The following COL4A3 variants were observed in gnomAD, a reference collection of about 807,000 sequenced individuals.
COL4A3 encodes collagen alpha-3(IV) chain.
In COL4A3, 135 loss-of-function variants were observed where a neutral mutation model predicts 217.4. The ratio of observed to expected loss-of-function variants is 0.62; its 90% CI spans 0.54 to 0.72. The LOEUF (loss-of-function observed/expected upper bound fraction) is 0.72. Among genes scored for constraint, COL4A3 ranks in the 30% least tolerant of loss-of-function variants. The pLI is 0.00. For missense variants in COL4A3, 1,868 were observed against 2,119.9 expected (o/e 0.88, Z 2.33); for synonymous variants, 690 against 736.3 (o/e 0.94, Z 1.02).
chr2:227,185,400 T>G (rs2065998531), intron 1 of COL4A3, among the ~76,000 whole-genome samples: 1 of 152,156 alleles, frequency 6.6e-6, no homozygotes, highest in South Asian at 2.1e-4. Context: ...CATGCCAAGA[T>G]CAGATAAAAT....
At chr2:227,240,569 C>T (rs1445574783) in intron 3 of COL4A3, among the ~76,000 whole-genome samples, 2 of 152,226 alleles carry the variant, frequency 1.3e-5, no homozygotes, top group Non-Finnish European at 2.9e-5. Flanking sequence ...ACCACCTGTG[C>T]CCCATCTTTG....
chr2:227,309,024 C>A lies in COL4A3; in HGVS notation c.4588C>A (p.Pro1530Thr), dbSNP rs746709648. The change falls in exon 49 of 52, where the codon CCA becomes ACA. Residue 1530 changes from proline to threonine, a missense_variant. Coordinates refer to ENST00000396578, the MANE Select transcript of COL4A3 (RefSeq NM_000091.5). ...CTGGCTGTCAACACCAGCTCTGATG[C>A]CAATGAACATGGCTCCCATTACTGG... ...SYWLSTPALM[P>T]MNMAPITGRA... The A allele has an allele frequency of 1.9e-6, 3 of 1,614,180 alleles. No individual in the cohort carries two copies. Among genetic ancestry groups the A allele is most frequent in the South Asian group, 2.2e-5 (2 of 91,088 alleles).
At chr2:227,237,778 C>T (rs2068780989) in intron 1 of COL4A3, 190 bp from the exon 2 acceptor site, 1 of 541,258 alleles carries the variant, frequency 1.8e-6, no homozygotes, top group East Asian at 3.7e-5. Context: ...GCAACATGTT[C>T]TCAGTTTTCT....
chr2:227,260,634 G>A (rs1464851708), intron 19 of COL4A3, among the ~76,000 whole-genome samples: 1 of 152,180 alleles, frequency 6.6e-6, no homozygotes, highest in Non-Finnish European at 1.5e-5. Context: ...CATTGATATA[G>A]ATTTTCTTAA....
At chr2:227,217,070 C>G (rs1019719027) in intron 1 of COL4A3, among the ~76,000 whole-genome samples, 1 of 152,194 alleles carries the variant, frequency 6.6e-6, no homozygotes, top group African/African-American at 2.4e-5. Context: ...AATGGACTCA[C>G]AGCTCCACAT....
intron 36 of COL4A3, among the ~76,000 whole-genome samples, chr2:227,290,340 A>T (rs891094412): frequency 6.6e-6 from 1 of 152,146 alleles, no homozygotes; most frequent in African/African-American, 2.4e-5. Flanking sequence ...TCTACTAAAG[A>T]TACAAAAAAA....
At chr2:227,260,027 C>T (rs768817386) in intron 19 of COL4A3, 150 bp downstream of exon 19, 5 of 763,958 alleles carry the variant, frequency 6.5e-6, no homozygotes, top group Admixed American at 1.7e-5. Flanking sequence ...TTTTTGATGT[C>T]TCCTGCTCTT....
intron 1 of COL4A3, among the ~76,000 whole-genome samples, chr2:227,179,769 A>G (rs899101633): frequency 6.6e-6 from 1 of 152,240 alleles, no homozygotes; most frequent in African/African-American, 2.4e-5. Flanking sequence ...TTCTGTCCTC[A>G]TGGAGTATGC....
chr2:227,202,176 A>C (rs1302739346), intron 1 of COL4A3, among the ~76,000 whole-genome samples: 1 of 152,206 alleles, frequency 6.6e-6, no homozygotes, highest in Non-Finnish European at 1.5e-5. Context: ...GTAACATTGT[A>C]GGGTGTCAAT....
In COL4A3 at chr2:227,282,407, C is replaced by T. The variant is rs1385197225; in HGVS notation, c.2531C>T (p.Pro844Leu). ...GGGCCAAAGGGAGACCCAGGAATTC[C>T]AGGCTTGGATAGATCAGGATTTCCT... ...KTGPKGDPGI[P>L]GLDRSGFPGE... The change falls in exon 32 of 52, where the codon CCA becomes CTA. Residue 844 changes from proline to leucine, a missense_variant. Transcript: ENST00000396578. The surrounding 1 kb of genome is among the most constrained non-coding windows in gnomAD (Gnocchi z 4.4). 6.2e-6 allele frequency: 10 copies of T among 1,613,042 alleles called. No individual in the cohort carries two copies. The highest frequency in any genetic ancestry group is 2.5e-6 in the Non-Finnish European group (3 of 1,179,834).
chr2:227,274,636 T>A (rs923232726), intron 26 of COL4A3, among the ~76,000 whole-genome samples: 1 of 152,102 alleles, frequency 6.6e-6, no homozygotes, highest in Non-Finnish European at 1.5e-5. Context: ...GTAGCTGGGA[T>A]TGCAGGCACC....
chr2:227,172,578 CTTCTTTTT>C (rs1223207837), intron 1 of COL4A3, among the ~76,000 whole-genome samples: 3 of 116,788 alleles, frequency 2.6e-5, no homozygotes, highest in African/African-American at 9.5e-5. Context: ...TCTTCGTCTT[CTTCTTTTT>C]TTTTTTTTTT....
Position 227,297,797 on chromosome 2 carries a change from C to T in COL4A3, c.3689C>T (p.Pro1230Leu). Residue 1230 changes from proline to leucine, a missense_variant, in exon 42 of 52, where the codon CCC becomes CTC. Coordinates refer to ENST00000396578, the MANE Select transcript of COL4A3 (RefSeq NM_000091.5). ...GGATTCCCAGGGCCACCAGGTCTGC[C>T]CGGTGCAATTATCCCTGGCCAGACA... ...IEGFPGPPGL[P>L]GAIIPGQTGN... 1.3e-6 allele frequency: 2 copies of T among 1,575,044 alleles called. No individual in the cohort carries two copies. The highest frequency in any genetic ancestry group is 1.7e-6 in the Non-Finnish European group (2 of 1,159,710).
rs1157567321 is a variant in COL4A3 at position 227,222,395 on chromosome 2, C to T, written c.88-15573C>T. 6 of 152,060 alleles carry T rather than the reference C, an allele frequency of 3.9e-5. No homozygotes were observed. In the East Asian group the frequency reaches 9.7e-4, roughly 25 times the overall value. 9.4% of individuals were successfully genotyped at this position (152,060 alleles called of 1,614,324 possible). ...GTCAACACCCACCTGCAGGCTTTGT[C>T]CAGAGAGTGTCCTATTATCATCAAA... On this transcript the variant is annotated intron_variant, in intron 1 of 51. Coordinates refer to ENST00000396578, the MANE Select transcript of COL4A3 (RefSeq NM_000091.5).
rs140266524 is a variant in COL4A3, at chr2:227,284,536, C to T, written c.2881+191C>T. Among the ~76,000 whole-genome samples the T allele has an allele frequency of 1.9e-3, 286 of 152,222 alleles. 2 individuals are homozygous for T. The highest frequency in any genetic ancestry group is 6.6e-3 in the African/African-American group (276 of 41,538). On this transcript the variant is annotated intron_variant, in intron 34 of 51. Coordinates refer to ENST00000396578, the MANE Select transcript of COL4A3 (RefSeq NM_000091.5). Reference sequence around the variant, plus strand: ...CACCTTCCACGACATGTTGCCTCCTCGATGTGTAACATTTTTATTTCTAAG... The same window carrying T: ...CACCTTCCACGACATGTTGCCTCCTTGATGTGTAACATTTTTATTTCTAAG...
intron 34 of COL4A3, among the ~76,000 whole-genome samples, chr2:227,287,473 T>A (rs1391321908): frequency 6.6e-6 from 1 of 151,326 alleles, no homozygotes; most frequent in Admixed American, 6.6e-5. Flanking sequence ...CCTAAAGCCA[T>A]ACAAAACCAA....
At chr2:227,188,328 TTTTAGTCTGATCCG>T (rs1172926511) in intron 1 of COL4A3, among the ~76,000 whole-genome samples, 1 of 149,498 alleles carries the variant, frequency 6.7e-6, no homozygotes, top group Non-Finnish European at 1.5e-5. Context: ...TCTAGGAGAG[TTTTAGTCTGATCCG>T]TTTATAAGCA....
chr2:227,278,395 T>C (rs1306863471), intron 28 of COL4A3, among the ~76,000 whole-genome samples: 1 of 152,168 alleles, frequency 6.6e-6, no homozygotes, highest in East Asian at 1.9e-4. Flanking sequence ...TTATGACAAT[T>C]TCATGTTTGT....
chr2:227,296,792 T>C (rs2073045827), intron 41 of COL4A3, among the ~76,000 whole-genome samples: 1 of 152,190 alleles, frequency 6.6e-6, no homozygotes, highest in Non-Finnish European at 1.5e-5. Context: ...ATCAATTTTA[T>C]TTTCATTGTA....
Sources: gnomAD v4.1 joint callset for allele counts (sites outside exome capture counted in the v4.1 genomes callset) on GRCh38, gnomAD v4.1.1 for gene constraint, Gnocchi (gnomAD v3.1) non-coding constraint, MANE v1.5 for transcripts, NCBI Gene and HGNC (gene_info 2026-07-23, HGNC 2026-07-21) for gene names.